The following COBLL1 variants were observed in gnomAD, a reference collection of about 807,000 sequenced individuals.
COBLL1 encodes cordon-bleu protein-like 1.
COBLL1 carries 50 observed loss-of-function variants against 94.8 expected under a neutral mutation model. The observed-to-expected ratio is 0.53, with a 90% CI of 0.42 to 0.67. The LOEUF (loss-of-function observed/expected upper bound fraction) is 0.67, where lower values mean the gene tolerates loss of function less well. Among genes scored for constraint, COBLL1 ranks in the 30% least tolerant of loss-of-function variants. The pLI is 0.00. For missense variants in COBLL1, 1,362 were observed against 1,348.7 expected, an observed-to-expected ratio of 1.01 and a Z score of -0.15; for synonymous variants, 448 against 473.8, an observed-to-expected ratio of 0.95 and a Z score of 0.71.
intron 2 of COBLL1, among the ~76,000 whole-genome samples, chr2:164,779,114 T>C (rs889714391): frequency 2.6e-5 from 4 of 151,994 alleles, no homozygotes; most frequent in African/African-American, 4.8e-5. Context: ...GTTGTTGTTG[T>C]TGTTGTTTTG....
chr2:164,803,759 A>G (rs987718192), intron 2 of COBLL1, among the ~76,000 whole-genome samples: 2 of 152,216 alleles, frequency 1.3e-5, no homozygotes, highest in African/African-American at 2.4e-5. Context: ...ACAAATATGT[A>G]TTATACACAC....
chr2:164,681,961 A>T lies in COBLL1; in HGVS notation c.*3985T>A, dbSNP rs185673055. On this transcript the variant is annotated 3_prime_UTR_variant, in exon 14 of 14. Coordinates refer to ENST00000652658, the MANE Select transcript of COBLL1 (RefSeq NM_001365672.2). ...CATATTAAGGATGGAAATTTGCAGG[A>T]AAGTGGTAACATTTAAGAGAAAAGG... 6.6e-6 allele frequency: 1 copy of T among 152,336 alleles called. No individual in the cohort carries two copies. Among genetic ancestry groups the T allele is most frequent in the Non-Finnish European group, 1.5e-5 (1 of 68,024 alleles). The allele number at this position is 152,336 out of a possible 1,614,324, so 9.4% of individuals were successfully genotyped here.
At chr2:164,665,347 A>G (rs1211902932) in intron 2 of COBLL1, among the ~76,000 whole-genome samples, 2 of 137,790 alleles carry the variant, frequency 1.5e-5, no homozygotes, top group African/African-American at 5.6e-5. Flanking sequence ...AAAAAGAAAG[A>G]AAGAAAGAAA....
At chr2:164,776,810 T>C (rs1688485981) in intron 2 of COBLL1, among the ~76,000 whole-genome samples, 1 of 152,126 alleles carries the variant, frequency 6.6e-6, no homozygotes, top group African/African-American at 2.4e-5. Context: ...ATTAAGTGTC[T>C]TTGGAACAAC....
intron 2 of COBLL1, chr2:164,773,945 C>T (rs1206591795): frequency 6.3e-6 from 1 of 158,650 alleles, no homozygotes; most frequent in African/African-American, 2.4e-5. Flanking sequence ...AGAGAATGTG[C>T]TTTATGCAAT....
Position 164,841,162 on chromosome 2 carries a change from G to T in COBLL1, c.35C>A (p.Pro12Gln). The change falls in exon 2 of 14, where the codon CCA (proline) becomes CAA (glutamine). Residue 12 changes from proline (P) to glutamine (Q), a missense_variant. Transcript: ENST00000652658. This position sits in a 1 kb window ranked among gnomAD's most constrained non-coding sequence, Gnocchi z 5.5. ...CGCGGCGCTCTGGGCTTACCTGGCT[G>T]GGGCGTCCTGCGGGCGCGGGGTTCG... Reference protein sequence around the residue: ...DGRTPRPQDAPARRKPKAKAP... With the variant: ...DGRTPRPQDAQARRKPKAKAP... The T allele has an allele frequency of 8.1e-7, 1 of 1,231,466 alleles. No homozygotes were observed. Among genetic ancestry groups the T allele is most frequent in the Non-Finnish European group, 1.0e-6 (1 of 988,160 alleles). 76.3% of individuals were successfully genotyped at this position (1,231,466 alleles called of 1,614,324 possible). A position where few individuals can be genotyped will look rare whatever the true frequency, so the allele number is the denominator to read the frequency against.
intron 1 of COBLL1, among the ~76,000 whole-genome samples, chr2:164,668,578 A>G (rs1574387235): frequency 6.6e-6 from 1 of 152,222 alleles, no homozygotes; most frequent in East Asian, 1.9e-4. Context: ...AAATCGCACT[A>G]ATCAAATTAC....
intron 3 of COBLL1, among the ~76,000 whole-genome samples, chr2:164,735,608 G>A (rs1038552283): frequency 2.6e-5 from 4 of 152,126 alleles, no homozygotes; most frequent in Admixed American, 6.6e-5. Flanking sequence ...TAAGCAGGTC[G>A]TGCTTCCAAT....
chr2:164,741,735 G>A (rs1381660310), intron 3 of COBLL1, among the ~76,000 whole-genome samples: 1 of 152,104 alleles, frequency 6.6e-6, no homozygotes, highest in Admixed American at 6.5e-5. Context: ...AAACATGCTG[G>A]AGGGAGGGTG....
In COBLL1 at chr2:164,779,865, AGGTATGAGACATG is replaced by A. The variant is rs1688653979; in HGVS notation, c.42-36003_42-35991del. On this transcript the variant is annotated intron_variant, in intron 2 of 13. Transcript: ENST00000652658. ...ATTAAAGGGAGGGTAGGGAATGTGC[AGGTATGAGACATG>A]GGTCAGGCCTCCATCTATGGGAATG... 7.6e-6 allele frequency: 3 copies of A among 394,002 alleles called. No individual in the cohort carries two copies. The Admixed American group carries it at 8.5e-5, about 11-fold the overall frequency. The allele number at this position is 394,002 out of a possible 1,614,324, so 24.4% of individuals were successfully genotyped here. A position where few individuals can be genotyped will look rare whatever the true frequency, so the allele number is the denominator to read the frequency against.
rs373329164 is a variant in COBLL1, at chr2:164,757,704, TG to T, written c.42-13830del. 5.2e-3 allele frequency among the ~76,000 whole-genome samples: 794 copies of T among 152,128 alleles called. 12 individuals are homozygous for T. The highest frequency in any genetic ancestry group is 0.018 in the African/African-American group (733 of 41,494). On this transcript the variant is annotated intron_variant, in intron 2 of 13. Coordinates refer to ENST00000652658, the MANE Select transcript of COBLL1 (RefSeq NM_001365672.2). ...GTTCATGTCTACAGTTTCAGCTACT[TG>T]GGAGCCTGAGGTGGTAGGATCACCT...
intron 2 of COBLL1, among the ~76,000 whole-genome samples, chr2:164,803,336 C>T (rs1051853837): frequency 1.1e-3 from 167 of 151,948 alleles, no homozygotes; most frequent in African/African-American, 3.7e-3. Context: ...GAGGCCGAGG[C>T]GGGCGGATCA....
rs1683163924 is a variant in COBLL1, at chr2:164,683,954, C to T, written c.*1992G>A. 1 of 152,056 alleles carries T rather than the reference C, an allele frequency of 6.6e-6. No individual in the cohort carries two copies. Among genetic ancestry groups the T allele is most frequent in the African/African-American group, 2.4e-5 (1 of 41,406 alleles). The allele number at this position is 152,056 out of a possible 1,614,324, so 9.4% of individuals were successfully genotyped here. ...GTCTCCTTATGCATGTGCATAAGTA[C>T]TTATTTAAGGTAACATGGTAAGGAA... On this transcript the variant is annotated 3_prime_UTR_variant, in exon 14 of 14. Transcript: ENST00000652658.
intron 2 of COBLL1, among the ~76,000 whole-genome samples, chr2:164,808,831 A>T (rs532933261): frequency 1.3e-5 from 2 of 152,294 alleles, no homozygotes; most frequent in East Asian, 3.9e-4. Context: ...TGCATTTGAA[A>T]GAAACTATCA....
At chr2:164,811,060 C>A (rs1170560633) in intron 2 of COBLL1, among the ~76,000 whole-genome samples, 1 of 151,788 alleles carries the variant, frequency 6.6e-6, no homozygotes, top group Admixed American at 6.6e-5. Flanking sequence ...ATTAGTGATG[C>A]AATTCATTGC....
chr2:164,754,600 T>C (rs952311045), intron 2 of COBLL1, among the ~76,000 whole-genome samples: 3 of 152,164 alleles, frequency 2.0e-5, no homozygotes, highest in Non-Finnish European at 4.4e-5. Context: ...AACTAGAGAA[T>C]GACAGTTCTA....
At chr2:164,662,836 A>G (rs1365466459) in intron 2 of COBLL1, among the ~76,000 whole-genome samples, 3 of 152,058 alleles carry the variant, frequency 2.0e-5, no homozygotes, top group African/African-American at 7.2e-5. Flanking sequence ...CTTCCGCCAT[A>G]AGTCAAAGCT....
rs554737579 is a variant in COBLL1, at chr2:164,684,594, T to C, written c.*1352A>G. On this transcript the variant is annotated 3_prime_UTR_variant, in exon 14 of 14. Transcript: ENST00000652658. ...CTAAACATTTTAAATGCTTAGACCA[T>C]GCATTTTGGAGTCAGAATGCCAGGG... 2 of 152,290 alleles carry C rather than the reference T, an allele frequency of 1.3e-5. No individual in the cohort carries two copies. Among genetic ancestry groups the C allele is most frequent in the South Asian group, 4.1e-4 (2 of 4,828 alleles). 9.4% of individuals were successfully genotyped at this position (152,290 alleles called of 1,614,324 possible).
intron 2 of COBLL1, among the ~76,000 whole-genome samples, chr2:164,765,707 A>C (rs928902001): frequency 6.6e-6 from 1 of 152,188 alleles, no homozygotes; most frequent in Admixed American, 6.5e-5. Context: ...AAAAAATCTT[A>C]TGCTCTATGG....
Sources: gnomAD v4.1 joint callset for allele counts (sites outside exome capture counted in the v4.1 genomes callset) on GRCh38, gnomAD v4.1.1 for gene constraint, Gnocchi (gnomAD v3.1) non-coding constraint, MANE v1.5 for transcripts, NCBI Gene and HGNC (gene_info 2026-07-23, HGNC 2026-07-21) for gene names.